PTPRA: variants seen among roughly 807,000 people sequenced by gnomAD.
PTPRA encodes the protein protein tyrosine phosphatase receptor type A.
Under a neutral mutation model 104.8 loss-of-function variants are expected in PTPRA, and 25 were observed. The ratio of observed to expected loss-of-function variants is 0.24; its 90% CI spans 0.17 to 0.33. The LOEUF (loss-of-function observed/expected upper bound fraction) is 0.33, where lower values mean the gene tolerates loss of function less well. PTPRA is among the 10% of genes least tolerant of loss of function. The pLI is 1.00. For synonymous variants in PTPRA, 323 were observed against 368.9 expected, an observed-to-expected ratio of 0.88 and a Z score of 1.43; for missense variants, 765 against 1,015.3, an observed-to-expected ratio of 0.75 and a Z score of 3.35.
intron 1 of PTPRA, among the ~76,000 whole-genome samples, chr20:2,897,609 A>G (rs1290122238): frequency 2.6e-5 from 4 of 151,850 alleles, no homozygotes; most frequent in Admixed American, 2.6e-4. Flanking sequence ...GCTGGTCTTG[A>G]ACTCTTGACC....
intron 20 of PTPRA, among the ~76,000 whole-genome samples, chr20:3,030,847 A>G (rs1049771343): frequency 2.0e-5 from 3 of 151,848 alleles, no homozygotes; most frequent in Non-Finnish European, 4.4e-5. Context: ...TACCATGCCC[A>G]GCTAATTTCC....
At chr20:2,864,872 C>A in the PTPRA span, 1 of 1,494,188 alleles carries the variant, frequency 6.7e-7, no homozygotes, top group Non-Finnish European at 9.3e-7. The surrounding 1 kb of genome is among the most constrained non-coding windows in gnomAD (Gnocchi z 5.2). Context: ...GCAAGGCTGA[C>A]CCTGGCGACC....
chr20:2,968,528 G>T, intron 5 of PTPRA, among the ~76,000 whole-genome samples: 5 of 117,314 alleles, frequency 4.3e-5, no homozygotes, highest in Admixed American at 9.1e-5. Flanking sequence ...CTTAATATTT[G>T]GATATTGGAT....
In PTPRA at chr20:3,021,368, G is replaced by C. The variant is rs774920507; in HGVS notation, c.1101G>C (p.Val367=). Residue 367 remains valine, a synonymous_variant, in exon 14 of 24, where the codon GTG becomes GTC. Coordinates refer to ENST00000399903, the MANE Select transcript of PTPRA (RefSeq NM_001385305.1). ...GCTGGACCTATGGGAATATTCGGGTGTCTGTAGAGGATGTGACTGTCCTGG... is the reference window on the plus strand; with the variant it reads ...GCTGGACCTATGGGAATATTCGGGTCTCTGTAGAGGATGTGACTGTCCTGG... ...QGCWTYGNIR[V]SVEDVTVLVD... The C allele has an allele frequency of 6.2e-7, 1 of 1,614,128 alleles. No homozygotes were observed. Among genetic ancestry groups the C allele is most frequent in the Non-Finnish European group, 8.5e-7 (1 of 1,179,972 alleles).
At chr20:2,952,765 T>C (rs1341348441) in intron 3 of PTPRA, among the ~76,000 whole-genome samples, 1 of 152,208 alleles carries the variant, frequency 6.6e-6, no homozygotes, top group Admixed American at 6.5e-5. Context: ...TCTGTTTTCC[T>C]TCTCTATGAG....
At position 3,024,513 on chromosome 20, in the gene PTPRA, T is replaced by C. The variant is rs779869571; in HGVS notation, c.1506T>C (p.Tyr502=). The C allele has an allele frequency of 6.2e-7, 1 of 1,613,758 alleles. No individual in the cohort carries two copies. Among genetic ancestry groups the C allele is most frequent in the South Asian group, 1.1e-5 (1 of 91,066 alleles). Residue 502 remains tyrosine (Y), a synonymous_variant, in exon 17 of 24, where the codon TAT becomes TAC. Transcript: ENST00000399903. ...TATACCAAGCCCTTCTGGAGCATTA[T>C]CTCTATGGAGATACAGAACTGGAAG... The part of the protein sequence containing the change: ...VFIYQALLEH[Y]LYGDTELEVT...
chr20:2,954,624 A>T (rs1324134626), intron 3 of PTPRA, among the ~76,000 whole-genome samples: 3 of 152,190 alleles, frequency 2.0e-5, no homozygotes, highest in African/African-American at 7.2e-5. Context: ...TGTGATTGGC[A>T]TACATTTTTT....
chr20:2,898,366 C>A (rs1167358254), intron 1 of PTPRA, among the ~76,000 whole-genome samples: 1 of 151,750 alleles, frequency 6.6e-6, no homozygotes, highest in Non-Finnish European at 1.5e-5. Context: ...AGGCGTGAGC[C>A]ACCGCGCCTG....
intron 9 of PTPRA, among the ~76,000 whole-genome samples, chr20:2,998,788 G>T: frequency 6.6e-6 from 1 of 151,810 alleles, no homozygotes; most frequent in Non-Finnish European, 1.5e-5. Flanking sequence ...AAAGGTATAA[G>T]GATTGCAAAG....
At chr20:2,929,858 TA>T (rs1313328377) in intron 2 of PTPRA, among the ~76,000 whole-genome samples, 2 of 152,118 alleles carry the variant, frequency 1.3e-5, no homozygotes, top group African/African-American at 4.8e-5. Flanking sequence ...AGTAGTTGAT[TA>T]AAAGAGGTCT....
At chr20:2,864,827 A>T in the PTPRA span, 12 of 1,180,610 alleles carry the variant, frequency 1.0e-5, no homozygotes, top group Non-Finnish European at 1.3e-5. The surrounding 1 kb of genome is among the most constrained non-coding windows in gnomAD (Gnocchi z 5.2). Context: ...GGAGCTAGCC[A>T]TCCCTCTAGG....
At chr20:3,018,858 T>A (rs1396317718) in intron 13 of PTPRA, among the ~76,000 whole-genome samples, 2 of 30,758 alleles carry the variant, frequency 6.5e-5, no homozygotes, top group Admixed American at 4.6e-4. Flanking sequence ...GGGGGGCTGA[T>A]CCCCCCACCT....
intron 2 of PTPRA, among the ~76,000 whole-genome samples, chr20:2,945,582 GGT>G (rs3842441): frequency 0.02 from 2,956 of 148,156 alleles, 48 homozygotes; most frequent in African/African-American, 0.04. Flanking sequence ...ATAATTGGCA[GGT>G]GTGTGTGTGT....
chr20:2,941,242 G>A (rs557773265), intron 2 of PTPRA, among the ~76,000 whole-genome samples: 1 of 152,094 alleles, frequency 6.6e-6, no homozygotes, highest in African/African-American at 2.4e-5. Flanking sequence ...TGTTGGCCAG[G>A]CTGGTCTTGA....
At chr20:2,901,061 T>TC (rs1393241848) in intron 1 of PTPRA, among the ~76,000 whole-genome samples, 4 of 151,896 alleles carry the variant, frequency 2.6e-5, no homozygotes, top group African/African-American at 9.6e-5. Flanking sequence ...GACCTCTGCC[T>TC]CCTGGTTCAA....
the PTPRA span, chr20:2,865,528 A>G: frequency 6.3e-6 from 10 of 1,596,814 alleles, no homozygotes; most frequent in Non-Finnish European, 7.7e-6. The surrounding 1 kb of genome is among the most constrained non-coding windows in gnomAD (Gnocchi z 5.2). Context: ...GCCCACTTCC[A>G]GTGAGGGTAG....
Position 3,018,126 on chromosome 20 carries a change from A to G in PTPRA, c.1041+213A>G, listed in dbSNP as rs1039664279. 5.9e-5 allele frequency among the ~76,000 whole-genome samples: 9 copies of G among 152,352 alleles called. No individual in the cohort carries two copies. The South Asian group carries it at 1.0e-3, about 18-fold the overall frequency. On this transcript the variant is annotated intron_variant, in intron 13 of 23. Coordinates refer to ENST00000399903, the MANE Select transcript of PTPRA (RefSeq NM_001385305.1). ...GCACATTCCCTGTATTTGGTAGTCA[A>G]ACAACTCACCCTGGTTCCAGAACAG...
chr20:2,918,087 CAAAAA>C (rs149539458), intron 1 of PTPRA, among the ~76,000 whole-genome samples: 5 of 94,302 alleles, frequency 5.3e-5, no homozygotes, highest in African/African-American at 4.3e-5. Flanking sequence ...GACTCTGTCT[CAAAAA>C]AAAAAAAAAA....
intron 11 of PTPRA, among the ~76,000 whole-genome samples, chr20:3,015,190 G>A (rs1267427405): frequency 6.6e-6 from 1 of 152,074 alleles, no homozygotes; most frequent in Non-Finnish European, 1.5e-5. Context: ...TCCCCTGGTG[G>A]GTTCTTAACC....
Sources: allele counts gnomAD v4.1 joint callset (sites outside exome capture counted in the v4.1 genomes callset), GRCh38; gene constraint gnomAD v4.1.1; non-coding constraint Gnocchi (gnomAD v3.1); transcripts MANE v1.5; gene names NCBI Gene and HGNC (gene_info 2026-07-23, HGNC 2026-07-21).